The following KCND2 variants were observed in gnomAD, a reference collection of about 807,000 sequenced individuals.
The protein encoded by KCND2 is A-type voltage-gated potassium channel KCND2.
Under a neutral mutation model 54.4 loss-of-function variants are expected in KCND2, and 16 were observed. That is an observed-to-expected ratio of 0.29 (90% CI 0.20 to 0.45). The LOEUF (loss-of-function observed/expected upper bound fraction) is 0.45. Among genes scored for constraint, KCND2 ranks in the 20% least tolerant of loss-of-function variants. The pLI is 1.00. For missense variants in KCND2, 486 were observed against 824.2 expected, an observed-to-expected ratio of 0.59 and a Z score of 5.02; for synonymous variants, 317 against 310.7, an observed-to-expected ratio of 1.02 and a Z score of -0.21.
intron 1 of KCND2, among the ~76,000 whole-genome samples, chr7:120,544,731 T>G (rs190578336): frequency 1.6e-4 from 25 of 152,072 alleles, no homozygotes; most frequent in African/African-American, 5.8e-4. Context: ...TTGATAATCA[T>G]TACACGTTTT....
At chr7:120,476,129 G>C (rs1802530554) in intron 1 of KCND2, among the ~76,000 whole-genome samples, 1 of 152,206 alleles carries the variant, frequency 6.6e-6, no homozygotes, top group Admixed American at 6.5e-5. Flanking sequence ...AGGGAAAAAT[G>C]AACCTGGCTC....
chr7:120,644,990 CT>C (rs1321863875), intron 1 of KCND2, among the ~76,000 whole-genome samples: 1 of 152,016 alleles, frequency 6.6e-6, no homozygotes, highest in African/African-American at 2.4e-5. Flanking sequence ...TCTCTCTAAA[CT>C]TTTTATATGT....
intron 1 of KCND2, among the ~76,000 whole-genome samples, chr7:120,330,711 A>G (rs551064143): frequency 6.6e-6 from 1 of 152,030 alleles, no homozygotes; most frequent in South Asian, 2.1e-4. Context: ...TATATCCATT[A>G]GTCTATCAAA....
intron 1 of KCND2, among the ~76,000 whole-genome samples, chr7:120,672,503 C>T (rs113355926): frequency 4.6e-5 from 7 of 152,186 alleles, no homozygotes; most frequent in African/African-American, 1.7e-4. Flanking sequence ...TGCTGTGGCC[C>T]CTCTGAAGTA....
chr7:120,740,333 A>G (rs1431192763), intron 2 of KCND2, among the ~76,000 whole-genome samples: 3 of 152,158 alleles, frequency 2.0e-5, no homozygotes, highest in African/African-American at 7.2e-5. Flanking sequence ...AATCTAGATA[A>G]TTTTAAAATT....
intron 1 of KCND2, among the ~76,000 whole-genome samples, chr7:120,654,900 A>C (rs1261586558): frequency 6.6e-6 from 1 of 152,102 alleles, no homozygotes; most frequent in African/African-American, 2.4e-5. Context: ...ATACACAAGA[A>C]ATGATCACAA....
chr7:120,666,484 G>A (rs1485034984), intron 1 of KCND2, among the ~76,000 whole-genome samples: 6 of 151,890 alleles, frequency 4.0e-5, no homozygotes, highest in Non-Finnish European at 5.9e-5. Flanking sequence ...TAGAGCCACG[G>A]AATGTAAATG....
chr7:120,461,454 C>T (rs146243357), intron 1 of KCND2, among the ~76,000 whole-genome samples: 3 of 152,288 alleles, frequency 2.0e-5, no homozygotes, highest in South Asian at 2.1e-4. Flanking sequence ...CCCCTAGCCA[C>T]GTTTCATTTT....
chr7:120,382,836 TC>T (rs1800933337), intron 1 of KCND2, among the ~76,000 whole-genome samples: 1 of 151,874 alleles, frequency 6.6e-6, no homozygotes, highest in Non-Finnish European at 1.5e-5. Context: ...CTTTCTTTGT[TC>T]TTAAGAGTAT....
chr7:120,473,759 C>T (rs1258186037), intron 1 of KCND2, among the ~76,000 whole-genome samples: 1 of 152,060 alleles, frequency 6.6e-6, no homozygotes, highest in African/African-American at 2.4e-5. Context: ...TGACAGTGTA[C>T]AGGATTATTC....
intron 1 of KCND2, among the ~76,000 whole-genome samples, chr7:120,451,224 G>A (rs192483497): frequency 2.6e-5 from 4 of 152,220 alleles, no homozygotes; most frequent in Admixed American, 2.0e-4. Context: ...AATTTGGTTA[G>A]AATCTATAGG....
At chr7:120,744,691 G>C (rs1362179782) in intron 4 of KCND2, among the ~76,000 whole-genome samples, 1 of 152,082 alleles carries the variant, frequency 6.6e-6, no homozygotes, top group Non-Finnish European at 1.5e-5. Flanking sequence ...GACAAAACGA[G>C]TAGCTAAAAC....
intron 1 of KCND2, among the ~76,000 whole-genome samples, chr7:120,296,614 GTCATTC>G (rs1799516973): frequency 6.6e-6 from 1 of 151,956 alleles, no homozygotes; most frequent in African/African-American, 2.4e-5. Flanking sequence ...ATTCTTTATA[GTCATTC>G]TCATTCTCTG....
intron 2 of KCND2, 133 bp downstream of exon 2, chr7:120,733,198 C>T: frequency 2.4e-6 from 2 of 821,864 alleles, no homozygotes; most frequent in South Asian, 3.0e-5. Context: ...GTAGGTTATT[C>T]TACACTAAAA....
chr7:120,556,711 T>G (rs1436054956), intron 1 of KCND2, among the ~76,000 whole-genome samples: 1 of 152,098 alleles, frequency 6.6e-6, no homozygotes, highest in Admixed American at 6.6e-5. Flanking sequence ...TTTATTACAC[T>G]TTTGCACAGA....
chr7:120,435,513 A>G (rs1359203026), intron 1 of KCND2, among the ~76,000 whole-genome samples: 1 of 152,134 alleles, frequency 6.6e-6, no homozygotes, highest in African/African-American at 2.4e-5. Flanking sequence ...AACCAGGTAC[A>G]GAATAAGAAA....
intron 1 of KCND2, among the ~76,000 whole-genome samples, chr7:120,378,500 A>G (rs941993914): frequency 6.6e-6 from 1 of 151,928 alleles, no homozygotes; most frequent in Non-Finnish European, 1.5e-5. Flanking sequence ...TGGCCGCTGT[A>G]TTTTCCCCAG....
intron 1 of KCND2, among the ~76,000 whole-genome samples, chr7:120,431,172 A>G (rs190841582): frequency 6.3e-4 from 96 of 152,344 alleles, no homozygotes; most frequent in Admixed American, 1.5e-3. Context: ...AGAAATTAGT[A>G]AAAGGTAAAG....
At chr7:120,365,296 A>G (rs1296348249) in intron 1 of KCND2, among the ~76,000 whole-genome samples, 1 of 151,948 alleles carries the variant, frequency 6.6e-6, no homozygotes, top group Non-Finnish European at 1.5e-5. Flanking sequence ...TGCTTTTGAG[A>G]TGTCTCCTGA....
Sources: gnomAD v4.1 joint callset for allele counts (sites outside exome capture counted in the v4.1 genomes callset) on GRCh38, gnomAD v4.1.1 for gene constraint, MANE v1.5 for transcripts, NCBI Gene and HGNC (gene_info 2026-07-23, HGNC 2026-07-21) for gene names.